EEFSEC: variants seen among roughly 807,000 people sequenced by gnomAD.
EEFSEC encodes eukaryotic elongation factor, selenocysteine-tRNA specific, also known as selenocysteine-specific elongation factor.
A neutral mutation model predicts 42.1 loss-of-function variants in EEFSEC; 43 were observed. That is an observed-to-expected ratio of 1.02 (90% CI 0.80 to 1.32). The LOEUF (loss-of-function observed/expected upper bound fraction) is 1.32. Ranked by LOEUF, EEFSEC falls within the 40% of genes most tolerant of loss-of-function variation. The pLI is 0.00. For missense variants in EEFSEC, 745 were observed against 803.6 expected, an observed-to-expected ratio of 0.93 and a Z score of 0.88; for synonymous variants, 354 against 339.1, an observed-to-expected ratio of 1.04 and a Z score of -0.48.
At chr3:128,154,058 TAAAA>T (rs376181797) in intron 1 of EEFSEC, 218 of 288,820 alleles carry the variant, frequency 7.5e-4, no homozygotes, top group Middle Eastern at 1.8e-3. Flanking sequence ...GCGCCTTCCT[TAAAA>T]AAAAAAAAAA....
chr3:128,395,781 G>A (rs769172395), intron 6 of EEFSEC, among the ~76,000 whole-genome samples: 1 of 152,184 alleles, frequency 6.6e-6, no homozygotes, highest in Non-Finnish European at 1.5e-5. Flanking sequence ...CCGAGCTGAC[G>A]GAGACACAAT....
chr3:128,277,230 G>C (rs562354114), intron 4 of EEFSEC, among the ~76,000 whole-genome samples: 2 of 152,272 alleles, frequency 1.3e-5, no homozygotes, highest in Non-Finnish European at 2.9e-5. Context: ...CTTAAACTGA[G>C]TATTTATAAT....
chr3:128,207,078 T>C (rs1439198996), intron 1 of EEFSEC, among the ~76,000 whole-genome samples: 1 of 152,242 alleles, frequency 6.6e-6, no homozygotes, highest in Non-Finnish European at 1.5e-5. Context: ...TCTACTGCTA[T>C]AATTCAGGGC....
Position 128,192,159 on chromosome 3 carries a change from A to G in EEFSEC, c.316+38336A>G, listed in dbSNP as rs541589113. Among the ~76,000 whole-genome samples, 4 of 152,332 alleles carry G rather than the reference A, an allele frequency of 2.6e-5. No individual in the cohort carries two copies. The East Asian group carries it at 5.8e-4, about 22-fold the overall frequency. ...TGGAGTGGTGGCTGGTGCAGTGTGC[A>G]AATGTCTTACCAGCCTGGCAGAATT... On this transcript the variant is annotated intron_variant, in intron 1 of 6. Coordinates refer to ENST00000254730, the MANE Select transcript of EEFSEC (RefSeq NM_021937.5).
intron 5 of EEFSEC, among the ~76,000 whole-genome samples, chr3:128,344,454 G>A (rs566798987): frequency 3.9e-5 from 6 of 152,332 alleles, no homozygotes; most frequent in Non-Finnish European, 8.8e-5. Flanking sequence ...GTGTAAGGAA[G>A]TTTTCTTCCT....
intron 1 of EEFSEC, among the ~76,000 whole-genome samples, chr3:128,203,884 A>G (rs1225622427): frequency 6.6e-6 from 1 of 152,260 alleles, no homozygotes; most frequent in African/African-American, 2.4e-5. Flanking sequence ...GAATAAATCA[A>G]TAATCCCAGG....
intron 1 of EEFSEC, among the ~76,000 whole-genome samples, chr3:128,192,290 T>C (rs1462268665): frequency 1.3e-5 from 2 of 152,136 alleles, no homozygotes; most frequent in African/African-American, 4.8e-5. Context: ...CCTGACACGG[T>C]TGGGTGTGAG....
At chr3:128,178,556 A>G (rs1199810881) in intron 1 of EEFSEC, among the ~76,000 whole-genome samples, 1 of 152,210 alleles carries the variant, frequency 6.6e-6, no homozygotes, top group East Asian at 1.9e-4. Flanking sequence ...GGGGGCAGGC[A>G]GATTGGTAGA....
At chr3:128,322,709 C>T (rs1445054983) in intron 4 of EEFSEC, among the ~76,000 whole-genome samples, 1 of 152,212 alleles carries the variant, frequency 6.6e-6, no homozygotes, top group Non-Finnish European at 1.5e-5. Flanking sequence ...TGGTTGGTCA[C>T]CTTCCCTGGG....
In EEFSEC at chr3:128,264,625, G is replaced by A. The variant is rs192426318; in HGVS notation, c.630G>A (p.Thr210=). 43 of 1,613,640 alleles carry A rather than the reference G, an allele frequency of 2.7e-5. No homozygotes were observed. Among genetic ancestry groups the A allele is most frequent in the African/African-American group, 5.3e-5 (4 of 74,968 alleles). ...CAGTTTCTCTTTTCTAGCTCCTGAC[G>A]TCCCAGATTTCCATCCCAACGAGAG... The part of the protein sequence containing the change: ...QGIPELIELL[T]SQISIPTRDP... The change falls in exon 4 of 7, where the codon ACG becomes ACA. Residue 210 remains threonine (T), a synonymous_variant. Coordinates refer to ENST00000254730, the MANE Select transcript of EEFSEC (RefSeq NM_021937.5).
intron 4 of EEFSEC, among the ~76,000 whole-genome samples, chr3:128,288,923 T>C (rs950209014): frequency 6.6e-6 from 1 of 152,196 alleles, no homozygotes; most frequent in Non-Finnish European, 1.5e-5. Context: ...CCTGGAGGTA[T>C]AGGGCTTTTC....
intron 4 of EEFSEC, among the ~76,000 whole-genome samples, chr3:128,339,167 G>A (rs2067222767): frequency 6.6e-6 from 1 of 152,144 alleles, no homozygotes; most frequent in Non-Finnish European, 1.5e-5. Flanking sequence ...CTTTGTGATT[G>A]ATCTTGGCTG....
chr3:128,291,115 A>AT lies in EEFSEC; in HGVS notation c.786+26344dup, dbSNP rs564220179. Among the ~76,000 whole-genome samples the AT allele has an allele frequency of 9.5e-3, 1,417 of 148,870 alleles. 77 individuals are homozygous for AT. The highest frequency in any genetic ancestry group is 0.08 in the Admixed American group (1,193 of 14,974). On this transcript the variant is annotated intron_variant, in intron 4 of 6. Transcript: ENST00000254730. ...AACCTATTTCTAGGTATTTCTAAGTATTTTTTTTTTACTTTTTTGAGACAG... is the reference window on the plus strand; with the variant it reads ...AACCTATTTCTAGGTATTTCTAAGTATTTTTTTTTTTACTTTTTTGAGACAG...
At chr3:128,273,454 C>T (rs916453933) in intron 4 of EEFSEC, among the ~76,000 whole-genome samples, 2 of 152,204 alleles carry the variant, frequency 1.3e-5, no homozygotes, top group African/African-American at 4.8e-5. Context: ...GGATGCTGCC[C>T]CTGCAGGCCT....
At chr3:128,283,143 C>T (rs1305225399) in intron 4 of EEFSEC, among the ~76,000 whole-genome samples, 1 of 152,212 alleles carries the variant, frequency 6.6e-6, no homozygotes, top group East Asian at 1.9e-4. Context: ...TGCTCCCTTG[C>T]CCCTTTGGGG....
intron 4 of EEFSEC, among the ~76,000 whole-genome samples, chr3:128,332,843 G>A (rs1043455946): frequency 6.6e-6 from 1 of 152,208 alleles, no homozygotes; most frequent in African/African-American, 2.4e-5. Flanking sequence ...CATTAGGCGG[G>A]GGAAAATGTC....
At chr3:128,231,429 G>A (rs771552368) in intron 1 of EEFSEC, among the ~76,000 whole-genome samples, 6 of 152,126 alleles carry the variant, frequency 3.9e-5, no homozygotes, top group African/African-American at 9.7e-5. Context: ...TGGCTCTCCC[G>A]TCTCATGGAT....
chr3:128,221,330 G>A (rs1407048671), intron 1 of EEFSEC, among the ~76,000 whole-genome samples: 1 of 152,232 alleles, frequency 6.6e-6, no homozygotes, highest in Non-Finnish European at 1.5e-5. Context: ...GTTAGTTCCA[G>A]GGGTATACAG....
intron 4 of EEFSEC, among the ~76,000 whole-genome samples, chr3:128,334,820 C>T (rs2108064510): frequency 6.6e-6 from 1 of 152,326 alleles, no homozygotes; most frequent in South Asian, 2.1e-4. Context: ...CTCTGGGGAG[C>T]TAGGCTCAGG....
Sources: allele counts gnomAD v4.1 joint callset (sites outside exome capture counted in the v4.1 genomes callset), GRCh38; gene constraint gnomAD v4.1.1; transcripts MANE v1.5; gene names NCBI Gene and HGNC (gene_info 2026-07-23, HGNC 2026-07-21).